SYNPO2: variants seen among roughly 807,000 people sequenced by gnomAD.
The protein encoded by SYNPO2 is synaptopodin-2.
Under a neutral mutation model 85.0 loss-of-function variants are expected in SYNPO2, and 56 were observed. That is an observed-to-expected ratio of 0.66 (90% CI 0.53 to 0.82). SYNPO2 has a LOEUF of 0.82. SYNPO2 is among the 40% of genes least tolerant of loss of function. The pLI is 0.00. For missense variants in SYNPO2, 1,575 were observed against 1,534.2 expected (o/e 1.03, Z -0.44); for synonymous variants, 602 against 591.1 (o/e 1.02, Z -0.27).
At chr4:118,976,165 C>G (rs553402466) in intron 1 of SYNPO2, among the ~76,000 whole-genome samples, 1 of 151,958 alleles carries the variant, frequency 6.6e-6, no homozygotes, top group Non-Finnish European at 1.5e-5. Context: ...TAAGTTGGCA[C>G]GTCTGGAGTC....
Position 119,030,039 on chromosome 4 carries a change from G to T in SYNPO2, c.1264G>T (p.Asp422Tyr). 6.2e-7 allele frequency: 1 copy of T among 1,614,120 alleles called. No individual in the cohort carries two copies. Among genetic ancestry groups the T allele is most frequent in the Non-Finnish European group, 8.5e-7 (1 of 1,180,022 alleles). The stretch of plus-strand genomic sequence containing the variant: ...TACTGGCGAGCTTGAGCGAGAGGCG[G>T]ACGAGGAGGAAGAAGGTGACAAGGA... ...YGTGELEREA[D>Y]EEEEGDKEDT... Residue 422 changes from aspartate (D) to tyrosine (Y), a missense_variant, in exon 4 of 5, where the codon GAC becomes TAC. Around this residue, in one of 3 missense-constraint regions of SYNPO2, gnomAD observed 1,508 missense variants for 1,446.8 expected, o/e 1.04. Transcript: ENST00000307142.
chr4:118,941,540 G>A (rs1226567633), intron 1 of SYNPO2, among the ~76,000 whole-genome samples: 1 of 152,106 alleles, frequency 6.6e-6, no homozygotes, highest in Non-Finnish European at 1.5e-5. Context: ...GCCTATACCA[G>A]GCCATTTATA....
At chr4:118,902,604 G>A (rs985919070) in intron 1 of SYNPO2, among the ~76,000 whole-genome samples, 30 of 152,234 alleles carry the variant, frequency 2.0e-4, no homozygotes, top group Middle Eastern at 6.8e-3. Flanking sequence ...AATTCAAGAT[G>A]AGATTTGGGT....
At chr4:119,022,022 C>G (rs1276304444) in intron 1 of SYNPO2, among the ~76,000 whole-genome samples, 2 of 152,144 alleles carry the variant, frequency 1.3e-5, no homozygotes, top group Admixed American at 6.5e-5. Flanking sequence ...AAAGTAATCT[C>G]TTTTTTCTTT....
intron 1 of SYNPO2, among the ~76,000 whole-genome samples, chr4:119,015,727 AT>A (rs1404162210): frequency 6.6e-6 from 1 of 152,194 alleles, no homozygotes; most frequent in Non-Finnish European, 1.5e-5. Context: ...TGATATAAAC[AT>A]TTTAAATGTC....
chr4:118,972,671 T>A lies in SYNPO2; in HGVS notation c.106-50759T>A, dbSNP rs142530516. On this transcript the variant is annotated intron_variant, in intron 1 of 4. Transcript: ENST00000307142. ...CACTTCTAGCATTGTCCTCTTAGGATTGTTGTCAGGTTTACAGAGTCAGCA... is the reference window on the plus strand; with the variant it reads ...CACTTCTAGCATTGTCCTCTTAGGAATGTTGTCAGGTTTACAGAGTCAGCA... 3.0e-4 allele frequency among the ~76,000 whole-genome samples: 45 copies of A among 152,318 alleles called. 1 individual carries two copies. The East Asian group carries it at 8.3e-3, about 28-fold the overall frequency.
At chr4:118,898,683 C>G (rs1396705474) in intron 1 of SYNPO2, among the ~76,000 whole-genome samples, 2 of 152,182 alleles carry the variant, frequency 1.3e-5, no homozygotes, top group Middle Eastern at 3.2e-3. Context: ...AGTTTGATGA[C>G]AAAGCCCATG....
chr4:118,860,240 C>G (rs190966428), intron 1 of SYNPO2, among the ~76,000 whole-genome samples: 1 of 152,094 alleles, frequency 6.6e-6, no homozygotes, highest in Non-Finnish European at 1.5e-5. Flanking sequence ...TGCACAACCC[C>G]CCCGCCACTT....
Position 118,971,132 on chromosome 4 carries a change from TTG to T in SYNPO2, c.106-52297_106-52296del, listed in dbSNP as rs528530542. Among the ~76,000 whole-genome samples the T allele has an allele frequency of 1.9e-4, 29 of 152,352 alleles. No individual in the cohort carries two copies. The East Asian group carries it at 5.4e-3, about 28-fold the overall frequency. On this transcript the variant is annotated intron_variant, in intron 1 of 4. Coordinates refer to ENST00000307142, the MANE Select transcript of SYNPO2 (RefSeq NM_133477.3). ...GTGTTAAAATGCAATATGTTATTCT[TTG>T]ACATGAAGATGAATATATGTTATAT...
At chr4:119,008,095 AT>A (rs967586706) in intron 1 of SYNPO2, among the ~76,000 whole-genome samples, 2 of 152,202 alleles carry the variant, frequency 1.3e-5, no homozygotes, top group African/African-American at 4.8e-5. Context: ...ACTCGGCCAT[AT>A]TCATCTTCAT....
Position 119,045,552 on chromosome 4 carries a change from T to C in SYNPO2, c.3253-11849T>C, listed in dbSNP as rs181888558. On this transcript the variant is annotated intron_variant, in intron 4 of 4. Transcript: ENST00000307142. ...ATTATGAAAATTACTTGTTTCTCCA[T>C]AGAAACTGACGAAGTCTGAACTTTT... is the stretch of plus-strand genomic sequence containing the variant. Among the ~76,000 whole-genome samples, 7 of 152,362 alleles carry C rather than the reference T, an allele frequency of 4.6e-5. No homozygotes were observed. The East Asian group carries it at 1.3e-3, about 29-fold the overall frequency.
At chr4:119,016,360 T>G (rs1399425134) in intron 1 of SYNPO2, among the ~76,000 whole-genome samples, 1 of 149,088 alleles carries the variant, frequency 6.7e-6, no homozygotes, top group Non-Finnish European at 1.5e-5. Context: ...GAGGTTACAG[T>G]GAGCAGAGAT....
chr4:118,978,694 T>A (rs537378953), intron 1 of SYNPO2, among the ~76,000 whole-genome samples: 17 of 152,246 alleles, frequency 1.1e-4, no homozygotes, highest in Admixed American at 3.3e-4. Context: ...CCAGATTTTT[T>A]AAAAAATGTT....
chr4:119,051,212 C>T (rs1361889635), intron 4 of SYNPO2, among the ~76,000 whole-genome samples: 1 of 7,286 alleles, frequency 1.4e-4, no homozygotes, highest in Non-Finnish European at 2.8e-4. Context: ...TTTTTTGAGA[C>T]GGAGTCTCGC....
chr4:118,878,048 C>T (rs776513923), intron 1 of SYNPO2, among the ~76,000 whole-genome samples: 1 of 152,152 alleles, frequency 6.6e-6, no homozygotes, highest in African/African-American at 2.4e-5. Context: ...GAGATTATGT[C>T]GTTTGCAGCA....
At chr4:118,882,417 AAATG>A (rs1308370805) in intron 1 of SYNPO2, among the ~76,000 whole-genome samples, 1 of 152,244 alleles carries the variant, frequency 6.6e-6, no homozygotes, top group Non-Finnish European at 1.5e-5. Context: ...GTATTTCTTA[AAATG>A]TAAAACATGC....
Position 119,030,343 on chromosome 4 carries a change from A to T in SYNPO2, c.1568A>T (p.Asp523Val). The T allele has an allele frequency of 6.2e-7, 1 of 1,614,126 alleles. No individual in the cohort carries two copies. Among genetic ancestry groups the T allele is most frequent in the Non-Finnish European group, 8.5e-7 (1 of 1,180,028 alleles). Residue 523 changes from aspartate to valine, a missense_variant, in exon 4 of 5, where the codon GAT (aspartate) becomes GTT (valine). Physicochemically the swap from Asp to Val is radical, Grantham distance 152. Coordinates refer to ENST00000307142, the MANE Select transcript of SYNPO2 (RefSeq NM_133477.3). ...GGTGGAACGCCAAGCAGAGAACAAG[A>T]TGCTGCCCAGACCGATGGCCTGAGA... ...KVGGTPSREQ[D>V]AAQTDGLRTT...
At chr4:118,879,559 A>G (rs1439208965) in intron 1 of SYNPO2, among the ~76,000 whole-genome samples, 1 of 152,188 alleles carries the variant, frequency 6.6e-6, no homozygotes, top group Non-Finnish European at 1.5e-5. Context: ...CACTCAGCAG[A>G]CAGTGGACCT....
chr4:118,868,627 A>G (rs1322689014), intron 1 of SYNPO2, among the ~76,000 whole-genome samples: 2 of 152,186 alleles, frequency 1.3e-5, no homozygotes, highest in African/African-American at 4.8e-5. Context: ...TCAACATGAA[A>G]AAGGAATAAA....
Sources: allele counts gnomAD v4.1 joint callset (sites outside exome capture counted in the v4.1 genomes callset), GRCh38; gene constraint gnomAD v4.1.1; regional missense constraint gnomAD v4.1.1; transcripts MANE v1.5; gene names NCBI Gene and HGNC (gene_info 2026-07-23, HGNC 2026-07-21).